FRMPD2: variants seen among roughly 807,000 people sequenced by gnomAD.
FRMPD2 encodes the protein FERM and PDZ domain containing 2.
A neutral mutation model predicts 140.1 loss-of-function variants in FRMPD2; 96 were observed. The ratio of observed to expected loss-of-function variants is 0.69; its 90% confidence interval spans 0.58 to 0.81. The LOEUF (loss-of-function observed/expected upper bound fraction) is 0.81. Ranked by LOEUF, FRMPD2 falls within the 40% of genes least tolerant of loss-of-function variation. FRMPD2 has a pLI of 0.00. For synonymous variants in FRMPD2, 449 were observed against 547.6 expected, an observed-to-expected ratio of 0.82 and a Z score of 2.52; for missense variants, 1,240 against 1,447.4, an observed-to-expected ratio of 0.86 and a Z score of 2.32.
Position 48,266,893 on chromosome 10 carries a change from G to A in FRMPD2, c.25+7650C>T, listed in dbSNP as rs114057739. Among the ~76,000 whole-genome samples, 272 of 152,304 alleles carry A rather than the reference G, an allele frequency of 1.8e-3. 2 individuals are homozygous for A. Among genetic ancestry groups the A allele is most frequent in the African/African-American group, 5.7e-3 (238 of 41,566 alleles). On this transcript the variant is annotated intron_variant, in intron 1 of 28. Coordinates refer to ENST00000374201, the MANE Select transcript of FRMPD2 (RefSeq NM_001018071.4). ...CAAGGCATCCCCTGACGTGTTGCAT[G>A]AGGAGCAGTAATAAGGTGTCCCCGA...
chr10:48,236,428 C>G, intron 9 of FRMPD2, 54 bp downstream of exon 9: 1 of 1,518,876 alleles, frequency 6.6e-7, no homozygotes, highest in Non-Finnish European at 9.1e-7. Context: ...CCTCCCGCAA[C>G]TGCCCACTTC....
intron 15 of FRMPD2, among the ~76,000 whole-genome samples, chr10:48,194,628 G>A (rs958365676): frequency 1.3e-5 from 2 of 152,192 alleles, no homozygotes; most frequent in Admixed American, 6.5e-5. Flanking sequence ...TAGCAGAGGA[G>A]AGAGAGCTCA....
chr10:48,184,993 A>C (rs1838644636), intron 18 of FRMPD2, 112 bp from the exon 19 acceptor site: 1 of 691,420 alleles, frequency 1.4e-6, no homozygotes, highest in African/African-American at 1.8e-5. Context: ...ATTAGCTGAT[A>C]GTTACAGTCA....
At chr10:48,247,254 CA>C (rs576623606) in intron 3 of FRMPD2, among the ~76,000 whole-genome samples, 262 of 152,306 alleles carry the variant, frequency 1.7e-3, no homozygotes, top group Non-Finnish European at 3.0e-3. Context: ...CAATGGAGGC[CA>C]ACCTGCAATC....
chr10:48,236,508 T>C lies in FRMPD2; in HGVS notation c.967A>G (p.Thr323Ala), dbSNP rs1839971309. Reference protein sequence around the residue: ...FILLAGEAPMTLHLPGSVVTK... With the variant: ...FILLAGEAPMALHLPGSVVTK... ...ACAACCGATCCCGGCAGATGTAGTG[T>C]CATCGGGGCCTCTCCAGCCAACAGG... The change falls in exon 9 of 29, where the codon ACA becomes GCA. Residue 323 changes from threonine (T) to alanine (A), a missense_variant. Coordinates refer to ENST00000374201, the MANE Select transcript of FRMPD2 (RefSeq NM_001018071.4). 2 of 1,614,156 alleles carry C rather than the reference T, an allele frequency of 1.2e-6. No homozygotes were observed. The highest frequency in any genetic ancestry group is 1.7e-6 in the Non-Finnish European group (2 of 1,180,010).
At chr10:48,253,556 A>G (rs1193723029) in intron 1 of FRMPD2, among the ~76,000 whole-genome samples, 1 of 152,212 alleles carries the variant, frequency 6.6e-6, no homozygotes, top group East Asian at 1.9e-4. Flanking sequence ...ATATCAAAAT[A>G]CTTGGAGGGG....
intron 1 of FRMPD2, among the ~76,000 whole-genome samples, chr10:48,265,028 G>A (rs750476848): frequency 1.3e-5 from 2 of 152,082 alleles, no homozygotes; most frequent in Non-Finnish European, 2.9e-5. Flanking sequence ...ATAAACCAAT[G>A]GAACAGAATA....
Position 48,172,953 on chromosome 10 carries a change from CA to C in FRMPD2, c.3215del (p.Val1072GlyfsTer11), listed in dbSNP as rs1838301899. 8.4e-7 allele frequency: 1 copy of C among 1,192,578 alleles called. No homozygotes were observed. Among genetic ancestry groups the C allele is most frequent in the African/African-American group, 1.5e-5 (1 of 68,174 alleles). The allele number at this position is 1,192,578 out of a possible 1,614,324, so 73.9% of individuals were successfully genotyped here. ...LPGRPSSCVS[V>X]TDGPKFEVKL... ...AATTCTCTCCCCTCTCACCATCTGT[CA>C]CTGAGACACAGCTCGAAGGCCTGCC... On this transcript the variant is annotated frameshift_variant, in exon 25 of 29. Coordinates refer to ENST00000374201, the MANE Select transcript of FRMPD2 (RefSeq NM_001018071.4). LOFTEE classifies it high-confidence loss of function.
rs542851603 is a variant in FRMPD2, at chr10:48,212,462, A to T, written c.1456-353T>A. Among the ~76,000 whole-genome samples the T allele has an allele frequency of 8.5e-5, 13 of 152,312 alleles. 1 individual carries two copies. In the South Asian group the frequency reaches 2.7e-3, roughly 32 times the overall value. On this transcript the variant is annotated intron_variant, in intron 12 of 28. Coordinates refer to ENST00000374201, the MANE Select transcript of FRMPD2 (RefSeq NM_001018071.4). Reference sequence around the variant, plus strand: ...GAGGTCACTCAACAGGGCGAAGATCACACCACTTGGAAGTGACAGAAACAA... The same window carrying T: ...GAGGTCACTCAACAGGGCGAAGATCTCACCACTTGGAAGTGACAGAAACAA...
chr10:48,263,901 T>C (rs1243785648), intron 1 of FRMPD2, among the ~76,000 whole-genome samples: 2 of 152,040 alleles, frequency 1.3e-5, no homozygotes, highest in African/African-American at 2.4e-5. Context: ...CTCTTCAAAA[T>C]ATTAGCAAAT....
intron 16 of FRMPD2, among the ~76,000 whole-genome samples, chr10:48,189,537 G>C (rs1838779088): frequency 6.6e-6 from 1 of 152,218 alleles, no homozygotes; most frequent in Admixed American, 6.5e-5. Context: ...CCAGCGGCAT[G>C]ACCCACATCT....
intron 12 of FRMPD2, among the ~76,000 whole-genome samples, 187 bp downstream of exon 12, chr10:48,222,126 G>GTGGATGGATGGA (rs148237970): frequency 5.1e-4 from 74 of 144,124 alleles, no homozygotes; most frequent in South Asian, 2.3e-3. Context: ...CAATGAATAG[G>GTGGATGGATGGA]TGGATGGATG....
intron 20 of FRMPD2, among the ~76,000 whole-genome samples, chr10:48,183,849 CT>C (rs1380161632): frequency 3.9e-5 from 1 of 25,790 alleles, no homozygotes; most frequent in African/African-American, 1.8e-4. Flanking sequence ...GAGACTCCAT[CT>C]CAAAAAAAAA....
intron 1 of FRMPD2, among the ~76,000 whole-genome samples, chr10:48,255,324 T>C (rs145530903): frequency 2.0e-5 from 3 of 152,190 alleles, no homozygotes; most frequent in African/African-American, 7.2e-5. Flanking sequence ...TTATTGGCCT[T>C]AGCCTGTAGC....
chr10:48,271,422 T>G (rs1409390180), intron 1 of FRMPD2, among the ~76,000 whole-genome samples: 1 of 152,242 alleles, frequency 6.6e-6, no homozygotes, highest in East Asian at 1.9e-4. Context: ...AGCCAGACAC[T>G]GTTTAACCCA....
At chr10:48,271,872 C>T (rs1381065855) in intron 1 of FRMPD2, among the ~76,000 whole-genome samples, 2 of 152,198 alleles carry the variant, frequency 1.3e-5, no homozygotes, top group Admixed American at 6.5e-5. Context: ...CAAGTTACTT[C>T]CTCTCTTTAC....
intron 1 of FRMPD2, among the ~76,000 whole-genome samples, chr10:48,257,582 C>A (rs1840513496): frequency 1.3e-5 from 2 of 152,144 alleles, no homozygotes; most frequent in Admixed American, 1.3e-4. Flanking sequence ...ACCCTGCCAA[C>A]CTTTACCTTT....
intron 20 of FRMPD2, among the ~76,000 whole-genome samples, chr10:48,184,283 G>T (rs570544366): frequency 1.2e-4 from 19 of 152,190 alleles, no homozygotes; most frequent in Admixed American, 1.2e-3. Flanking sequence ...GCCATGCAAG[G>T]AGAGTTGACA....
rs1837796487 is a variant in FRMPD2 at position 48,157,060 on chromosome 10, T to C, written c.*262A>G. 1 of 409,404 alleles carries C rather than the reference T, an allele frequency of 2.4e-6. No homozygotes were observed. The highest frequency in any genetic ancestry group is 4.6e-6 in the Non-Finnish European group (1 of 215,330). 25.4% of individuals were successfully genotyped at this position (409,404 alleles called of 1,614,324 possible). A position where few individuals can be genotyped will look rare whatever the true frequency, so the allele number is the denominator to read the frequency against. On this transcript the variant is annotated 3_prime_UTR_variant, in exon 29 of 29. Coordinates refer to ENST00000374201, the MANE Select transcript of FRMPD2 (RefSeq NM_001018071.4). ...ACCATCAAAGCACTTTGTGCAAAGA[T>C]CAGGTCCTTTTCTGAGCACTGAAAA...
Sources: allele counts gnomAD v4.1 joint callset (sites outside exome capture counted in the v4.1 genomes callset), GRCh38; gene constraint gnomAD v4.1.1; transcripts MANE v1.5; gene names NCBI Gene and HGNC (gene_info 2026-07-23, HGNC 2026-07-21).